CNTN4: variants seen among roughly 807,000 people sequenced by gnomAD.
CNTN4 encodes the protein contactin 4, also known as contactin-4.
Under a neutral mutation model 122.5 loss-of-function variants are expected in CNTN4, and 77 were observed. That is an observed-to-expected ratio of 0.63 (90% CI 0.52 to 0.76). CNTN4 has a LOEUF of 0.76. CNTN4 is among the 30% of genes least tolerant of loss of function. The probability of loss-of-function intolerance (pLI) is 0.00; values close to 1 mark genes in which losing one functional copy is unlikely to be tolerated. For missense variants in CNTN4, 1,256 were observed against 1,259.1 expected (o/e 1.00, Z 0.04); for synonymous variants, 512 against 447.0 (o/e 1.15, Z -1.83).
At chr3:2,775,971 G>A (rs2091298970) in intron 6 of CNTN4, among the ~76,000 whole-genome samples, 1 of 152,128 alleles carries the variant, frequency 6.6e-6, no homozygotes, top group African/African-American at 2.4e-5. Flanking sequence ...AGCCCGAACT[G>A]ACCCCTTCTT....
chr3:2,386,757 CTT>C (rs2046271018), intron 3 of CNTN4, among the ~76,000 whole-genome samples: 1 of 152,072 alleles, frequency 6.6e-6, no homozygotes, highest in South Asian at 2.1e-4. Flanking sequence ...TTACATAAGT[CTT>C]TTAAAATTAT....
chr3:2,400,429 A>ATATATATATATATATATATATATATG (rs2046809737), intron 3 of CNTN4, among the ~76,000 whole-genome samples: 1 of 11,956 alleles, frequency 8.4e-5, no homozygotes, highest in African/African-American at 6.5e-4. Context: ...ATATATATAC[A>ATATATATATATATATATATATATATG]TATATATATA....
At chr3:2,638,994 G>A (rs1576311489) in intron 4 of CNTN4, among the ~76,000 whole-genome samples, 1 of 152,100 alleles carries the variant, frequency 6.6e-6, no homozygotes. Flanking sequence ...TCATTGGTCT[G>A]CCTTTTACTC....
chr3:3,021,380 C>G (rs1023784197), intron 14 of CNTN4, among the ~76,000 whole-genome samples: 3 of 152,172 alleles, frequency 2.0e-5, no homozygotes, highest in African/African-American at 7.2e-5. Flanking sequence ...TTTGCTGTGG[C>G]ATTTAAATAT....
chr3:2,272,051 T>A (rs1228513277), intron 2 of CNTN4, among the ~76,000 whole-genome samples: 1 of 152,144 alleles, frequency 6.6e-6, no homozygotes, highest in African/African-American at 2.4e-5. Flanking sequence ...TAAATTGCAA[T>A]CATTAAATAA....
intron 3 of CNTN4, among the ~76,000 whole-genome samples, chr3:2,373,271 T>G (rs1396505301): frequency 6.6e-6 from 1 of 152,190 alleles, no homozygotes; most frequent in East Asian, 1.9e-4. Flanking sequence ...ACAGTTGCAC[T>G]CCTTGGGCAG....
intron 6 of CNTN4, among the ~76,000 whole-genome samples, chr3:2,774,172 G>T (rs978241077): frequency 6.6e-6 from 1 of 151,964 alleles, no homozygotes; most frequent in African/African-American, 2.4e-5. Flanking sequence ...GAGGCAAGAG[G>T]ATAGCTTGAA....
chr3:2,502,929 A>G (rs1386572951), intron 3 of CNTN4, among the ~76,000 whole-genome samples: 2 of 152,182 alleles, frequency 1.3e-5, no homozygotes, highest in Admixed American at 6.6e-5. Flanking sequence ...GAACCTGATG[A>G]AAACTATACT....
chr3:2,819,425 T>G (rs1010236053), intron 6 of CNTN4, 61 bp from the exon 7 acceptor site: 2 of 1,270,990 alleles, frequency 1.6e-6, no homozygotes, highest in Non-Finnish European at 2.3e-6. Flanking sequence ...ATAGTGGTAC[T>G]CTCCCTTGAT....
intron 12 of CNTN4, among the ~76,000 whole-genome samples, chr3:2,919,140 T>C (rs2094400778): frequency 6.7e-6 from 1 of 150,374 alleles, no homozygotes; most frequent in Non-Finnish European, 1.5e-5. Context: ...AGTCAGGAGT[T>C]CAAGACCAGC....
intron 3 of CNTN4, among the ~76,000 whole-genome samples, chr3:2,368,099 C>G (rs1022205170): frequency 1.4e-5 from 2 of 142,336 alleles, no homozygotes; most frequent in African/African-American, 2.7e-5. Context: ...GTGGCGCGAT[C>G]TCGGCTCACT....
intron 12 of CNTN4, among the ~76,000 whole-genome samples, chr3:2,914,737 C>A (rs559267699): frequency 6.6e-6 from 1 of 152,316 alleles, no homozygotes; most frequent in East Asian, 1.9e-4. Context: ...TTTCCCCAAA[C>A]CCTTCCAAAG....
chr3:2,650,205 G>C (rs952115700), intron 4 of CNTN4, among the ~76,000 whole-genome samples: 1 of 151,716 alleles, frequency 6.6e-6, no homozygotes, highest in African/African-American at 2.4e-5. Context: ...TGACTTTGAG[G>C]GGCTTAAAGC....
intron 13 of CNTN4, among the ~76,000 whole-genome samples, chr3:2,983,524 C>G (rs985905259): frequency 6.6e-6 from 1 of 152,156 alleles, no homozygotes; most frequent in Non-Finnish European, 1.5e-5. Context: ...TCATGAGTGT[C>G]TCACTGACAT....
intron 4 of CNTN4, among the ~76,000 whole-genome samples, chr3:2,712,957 C>G (rs116031729): frequency 6.6e-6 from 1 of 152,322 alleles, no homozygotes; most frequent in South Asian, 2.1e-4. Context: ...ATACCTCGCC[C>G]TATGCATGCC....
chr3:2,691,286 A>G (rs993800140), intron 4 of CNTN4, among the ~76,000 whole-genome samples: 1 of 152,156 alleles, frequency 6.6e-6, no homozygotes, highest in East Asian at 1.9e-4. Context: ...ATATGCCCTC[A>G]TCGTTTGTTG....
chr3:2,224,315 C>T (rs1428152502), intron 2 of CNTN4, among the ~76,000 whole-genome samples: 1 of 152,174 alleles, frequency 6.6e-6, no homozygotes, highest in African/African-American at 2.4e-5. Flanking sequence ...TCCTCACCTG[C>T]TCCTCTCAAA....
At chr3:2,807,630 C>A (rs1005783521) in intron 6 of CNTN4, among the ~76,000 whole-genome samples, 2 of 152,174 alleles carry the variant, frequency 1.3e-5, no homozygotes, top group Admixed American at 6.5e-5. Context: ...ACTCCCCATA[C>A]CTTTGATTTC....
intron 4 of CNTN4, among the ~76,000 whole-genome samples, chr3:2,622,981 ATAAAG>A: frequency 6.6e-6 from 1 of 152,222 alleles, no homozygotes. Context: ...TATACACATA[ATAAAG>A]TAGTTTTTCT....
Sources: allele counts gnomAD v4.1 joint callset (sites outside exome capture counted in the v4.1 genomes callset), GRCh38; gene constraint gnomAD v4.1.1; transcripts MANE v1.5; gene names NCBI Gene and HGNC (gene_info 2026-07-23, HGNC 2026-07-21).